The following WDFY2 variants were observed in gnomAD, a reference collection of about 807,000 sequenced individuals.
WDFY2 encodes WD repeat and FYVE domain containing 2.
WDFY2 carries 36 observed loss-of-function variants against 56.4 expected under a neutral mutation model. That is an observed-to-expected ratio of 0.64 (90% CI 0.49 to 0.84). The LOEUF (loss-of-function observed/expected upper bound fraction) is 0.84. WDFY2 is among the 40% of genes least tolerant of loss of function. The pLI is 0.00. For missense variants in WDFY2, 444 were observed against 512.2 expected, an observed-to-expected ratio of 0.87 and a Z score of 1.29; for synonymous variants, 176 against 183.7, an observed-to-expected ratio of 0.96 and a Z score of 0.34.
At chr13:51,756,271 T>C in intron 9 of WDFY2, 61 bp from the exon 10 acceptor site, 1 of 1,559,976 alleles carries the variant, frequency 6.4e-7, no homozygotes, top group Non-Finnish European at 8.7e-7. Flanking sequence ...AGGGGTGAGA[T>C]GCGGGGGCCT....
chr13:51,676,393 G>A (rs949786459), intron 3 of WDFY2, among the ~76,000 whole-genome samples: 2 of 152,208 alleles, frequency 1.3e-5, no homozygotes, highest in African/African-American at 4.8e-5. Context: ...GAACTTAAAG[G>A]AGACTAAGAA....
Position 51,766,528 on chromosome 13 carries a change from C to G in WDFY2, c.*6759C>G, listed in dbSNP as rs1332650536. The G allele has an allele frequency of 6.6e-6, 1 of 152,346 alleles. No individual in the cohort carries two copies. The highest frequency in any genetic ancestry group is 2.1e-4 in the South Asian group (1 of 4,828). 9.4% of individuals were successfully genotyped at this position (152,346 alleles called of 1,614,324 possible). A position where few individuals can be genotyped will look rare whatever the true frequency, so the allele number is the denominator to read the frequency against. ...TCTCCCGTGTGGTCTAGCTGGACCC[C>G]TCCGGCATTTGCCACACTCCCTGCC... On this transcript the variant is annotated 3_prime_UTR_variant, in exon 12 of 12. Coordinates refer to ENST00000298125, the MANE Select transcript of WDFY2 (RefSeq NM_052950.4).
intron 6 of WDFY2, 79 bp downstream of exon 6, chr13:51,727,869 G>A: frequency 7.3e-7 from 1 of 1,374,472 alleles, no homozygotes; most frequent in Non-Finnish European, 1.0e-6. Flanking sequence ...GTTCAGATAT[G>A]TTTTGAAAGT....
At chr13:51,668,040 C>T (rs1393873568) in intron 2 of WDFY2, among the ~76,000 whole-genome samples, 3 of 151,510 alleles carry the variant, frequency 2.0e-5, no homozygotes, top group East Asian at 1.9e-4. Flanking sequence ...TACAGGCGTC[C>T]GCCACTGCGC....
At chr13:51,660,699 A>C in intron 2 of WDFY2, 36 bp downstream of exon 2, 1 of 1,591,448 alleles carries the variant, frequency 6.3e-7, no homozygotes, top group Non-Finnish European at 8.6e-7. Context: ...AAAACCAGAC[A>C]TGTCCTTCCC....
intron 6 of WDFY2, among the ~76,000 whole-genome samples, chr13:51,735,138 C>G (rs1262437430): frequency 6.6e-6 from 1 of 152,210 alleles, no homozygotes; most frequent in Non-Finnish European, 1.5e-5. Context: ...GCAGCTCTCC[C>G]CACTGCATCT....
chr13:51,641,695 G>A (rs1055565497), intron 1 of WDFY2, among the ~76,000 whole-genome samples: 6 of 149,438 alleles, frequency 4.0e-5, no homozygotes, highest in Admixed American at 3.3e-4. Context: ...GCGTAGTGGC[G>A]GGCGCCTGTA....
chr13:51,689,664 C>T (rs539153161), intron 3 of WDFY2, among the ~76,000 whole-genome samples: 1 of 152,254 alleles, frequency 6.6e-6, no homozygotes, highest in East Asian at 1.9e-4. Context: ...AGATTAGGCT[C>T]ATAGGCATTT....
intron 3 of WDFY2, among the ~76,000 whole-genome samples, chr13:51,690,350 C>A (rs1263491803): frequency 8.7e-6 from 1 of 115,014 alleles, no homozygotes; most frequent in Non-Finnish European, 1.7e-5. Flanking sequence ...CCCCCCTCCC[C>A]CCACCCCATA....
At chr13:51,634,730 T>TC (rs1955013625) in intron 1 of WDFY2, among the ~76,000 whole-genome samples, 1 of 151,928 alleles carries the variant, frequency 6.6e-6, no homozygotes, top group Admixed American at 6.6e-5. Context: ...GTTTTTTTTT[T>TC]CCCCATATAT....
chr13:51,618,762 A>G (rs2138351350), intron 1 of WDFY2, among the ~76,000 whole-genome samples: 1 of 152,306 alleles, frequency 6.6e-6, no homozygotes, highest in East Asian at 1.9e-4. Context: ...GTTGCTGGGA[A>G]TTTCTCTGAA....
chr13:51,670,050 A>G (rs1448161144), intron 2 of WDFY2, among the ~76,000 whole-genome samples: 3 of 152,210 alleles, frequency 2.0e-5, no homozygotes, highest in Non-Finnish European at 4.4e-5. Flanking sequence ...ACCAGTCCCC[A>G]GCCAGTTTGT....
intron 6 of WDFY2, among the ~76,000 whole-genome samples, chr13:51,728,790 C>A (rs560478803): frequency 5.9e-5 from 9 of 152,194 alleles, no homozygotes; most frequent in African/African-American, 2.2e-4. Context: ...TGGATAGGAC[C>A]CTGGTCTTCC....
chr13:51,646,729 A>C (rs943994415), intron 1 of WDFY2, among the ~76,000 whole-genome samples: 3 of 152,212 alleles, frequency 2.0e-5, no homozygotes, highest in African/African-American at 7.2e-5. Flanking sequence ...TGGAAAATCC[A>C]AGTTGTCAGA....
intron 1 of WDFY2, among the ~76,000 whole-genome samples, chr13:51,636,228 A>T (rs1407164381): frequency 6.6e-6 from 1 of 152,208 alleles, no homozygotes; most frequent in Non-Finnish European, 1.5e-5. Context: ...ACATTTATAC[A>T]TGCATATTTG....
intron 7 of WDFY2, among the ~76,000 whole-genome samples, chr13:51,745,578 T>A (rs754134907): frequency 1.3e-5 from 2 of 151,964 alleles, no homozygotes; most frequent in Non-Finnish European, 2.9e-5. Flanking sequence ...CCCTGTAGAA[T>A]CAGATAGCCC....
intron 7 of WDFY2, among the ~76,000 whole-genome samples, chr13:51,740,801 C>G (rs1481034849): frequency 1.3e-5 from 2 of 151,962 alleles, no homozygotes; most frequent in South Asian, 2.1e-4. Flanking sequence ...AACTTGGACT[C>G]TCTCAGAGAA....
intron 7 of WDFY2, among the ~76,000 whole-genome samples, chr13:51,745,790 C>A (rs1169183741): frequency 6.9e-6 from 1 of 143,976 alleles, no homozygotes; most frequent in African/African-American, 2.6e-5. Flanking sequence ...TGAGGTTAGT[C>A]CTGATTATTT....
chr13:51,744,056 G>A (rs1281870565), intron 7 of WDFY2, among the ~76,000 whole-genome samples: 2 of 152,218 alleles, frequency 1.3e-5, no homozygotes, highest in African/African-American at 2.4e-5. Flanking sequence ...GGATCCCTGA[G>A]GAAGCAGATC....
Sources: gnomAD v4.1 joint callset for allele counts (sites outside exome capture counted in the v4.1 genomes callset) on GRCh38, gnomAD v4.1.1 for gene constraint, MANE v1.5 for transcripts, NCBI Gene and HGNC (gene_info 2026-07-23, HGNC 2026-07-21) for gene names.